Variants in THRA observed in about 807,000 individuals in gnomAD.
THRA encodes the protein thyroid hormone receptor alpha, also known as EAR-7.
THRA carries 13 observed loss-of-function variants against 45.0 expected under a neutral mutation model. The ratio of observed to expected loss-of-function variants is 0.29; its 90% CI spans 0.19 to 0.46. The LOEUF (loss-of-function observed/expected upper bound fraction) is 0.46, where lower values mean the gene tolerates loss of function less well. Ranked by LOEUF, THRA falls within the 20% of genes least tolerant of loss-of-function variation. THRA has a pLI of 1.00. For missense variants in THRA, 278 were observed against 556.1 expected (o/e 0.50, Z 5.03); for synonymous variants, 195 against 214.0 (o/e 0.91, Z 0.78).
intron 1 of THRA, among the ~76,000 whole-genome samples, chr17:40,066,882 G>A (rs559129429): frequency 4.4e-4 from 67 of 152,220 alleles, no homozygotes; most frequent in Non-Finnish European, 6.3e-4. Context: ...TGTAAATTGG[G>A]GATGATCATA....
At chr17:40,077,042 G>C (rs912855062) in intron 3 of THRA, 104 bp downstream of exon 3, 7 of 1,200,652 alleles carry the variant, frequency 5.8e-6, no homozygotes, top group South Asian at 5.4e-5. Flanking sequence ...TGTGTTCCCT[G>C]GGGGGAGCCT....
At chr17:40,070,448 G>C (rs2145048085) in intron 1 of THRA, among the ~76,000 whole-genome samples, 1 of 152,282 alleles carries the variant, frequency 6.6e-6, no homozygotes, top group South Asian at 2.1e-4. Context: ...CTCAGCATGG[G>C]GGCACATGTC....
chr17:40,076,893 C>T lies in THRA; in HGVS notation c.76C>T (p.Arg26Ter), dbSNP rs1255028895. ...ENSARSPDGK[R>*]KRKNGQCSLK... ...CAGTGCCAGGTCACCAGATGGAAAG[C>T]GAAAAAGAAAGAACGGCCAATGTTC... Residue 26 changes from arginine (R) to a stop codon, truncating the protein, a stop_gained, in exon 3 of 9, where the codon CGA (arginine) becomes TGA (stop). Coordinates refer to ENST00000450525, the MANE Select transcript of THRA (RefSeq NM_199334.5). LOFTEE classifies it high-confidence loss of function. 4 of 1,613,918 alleles carry T rather than the reference C, an allele frequency of 2.5e-6. No homozygotes were observed. The highest frequency in any genetic ancestry group is 2.7e-5 in the African/African-American group (2 of 74,856).
intron 4 of THRA, among the ~76,000 whole-genome samples, chr17:40,079,821 G>A (rs1987076329): frequency 6.6e-6 from 1 of 152,100 alleles, no homozygotes; most frequent in African/African-American, 2.4e-5. Context: ...ACAGAGGAGG[G>A]ATTATGAATG....
chr17:40,066,714 A>G (rs1226103690), intron 1 of THRA, among the ~76,000 whole-genome samples: 2 of 151,406 alleles, frequency 1.3e-5, no homozygotes, highest in Admixed American at 1.3e-4. Context: ...GGCATTATCT[A>G]TCAAGCAGGT....
chr17:40,070,817 C>T (rs552168871), intron 1 of THRA, among the ~76,000 whole-genome samples: 1 of 151,970 alleles, frequency 6.6e-6, no homozygotes, highest in East Asian at 1.9e-4. Context: ...TCCTACGCCC[C>T]CCTCCCCCCA....
chr17:40,077,661 C>A (rs1213851137), intron 4 of THRA, 53 bp downstream of exon 4: 4 of 1,431,576 alleles, frequency 2.8e-6, no homozygotes, highest in Non-Finnish European at 3.9e-6. Flanking sequence ...CCATATTACT[C>A]CCTATGTCAC....
intron 4 of THRA, 89 bp downstream of exon 4, chr17:40,077,697 C>CT (rs111429398): frequency 0.15 from 113,203 of 771,314 alleles, 1 homozygote; most frequent in South Asian, 0.19. Context: ...TAGGTCATCA[C>CT]TTTTTTTTTT....
intron 6 of THRA, 112 bp from the exon 7 acceptor site, chr17:40,086,595 G>A (rs965727744): frequency 1.0e-5 from 14 of 1,373,018 alleles, no homozygotes; most frequent in Admixed American, 4.9e-5. Context: ...ACTCAGGCAC[G>A]GGCGGCCCCT....
chr17:40,093,154 G>A (rs1567658385), downstream of THRA: 3 of 1,614,100 alleles, frequency 1.9e-6, no homozygotes, highest in Non-Finnish European at 1.7e-6. The surrounding 1 kb of genome is among the most constrained non-coding windows in gnomAD (Gnocchi z 5.9). Context: ...AGGTCCGGCA[G>A]CTTGAGCAGC....
chr17:40,083,203 A>G (rs981649237), intron 4 of THRA, among the ~76,000 whole-genome samples: 7 of 152,304 alleles, frequency 4.6e-5, no homozygotes, highest in African/African-American at 1.7e-4. Flanking sequence ...CTGGGATTAC[A>G]GGCATAAGCC....
In THRA at chr17:40,084,736, A is replaced by G. The variant is rs147957729; in HGVS notation, c.497A>G (p.Asp166Gly). The G allele has an allele frequency of 4.6e-5, 75 of 1,613,978 alleles. No individual in the cohort carries two copies. The highest frequency in any genetic ancestry group is 5.8e-5 in the Non-Finnish European group (69 of 1,180,026). Residue 166 changes from aspartate to glycine, a missense_variant, in exon 6 of 9, where the codon GAT becomes GGT. By Grantham distance (94) the Asp-to-Gly change is moderately conservative (BLOSUM62 -1). Transcript: ENST00000450525. ...CCAGAGCCCACTCCTGAAGAGTGGGATCTGATCCACATTGCCACAGAGGCC... is the reference window on the plus strand; with the variant it reads ...CCAGAGCCCACTCCTGAAGAGTGGGGTCTGATCCACATTGCCACAGAGGCC... Reference protein sequence around the residue: ...QRPEPTPEEWDLIHIATEAHR... With the variant: ...QRPEPTPEEWGLIHIATEAHR...
At chr17:40,093,839 G>T, downstream of THRA, 1 of 1,335,214 alleles carries the variant, frequency 7.5e-7, no homozygotes, top group Non-Finnish European at 1.1e-6. This position sits in a 1 kb window ranked among gnomAD's most constrained non-coding sequence, Gnocchi z 5.9. Context: ...CATAGAGTAG[G>T]TACTCCATAA....
rs145449091 is a variant in THRA, at chr17:40,075,096, C to T, written c.53+555C>T. ...GATGGGGCTCCTCCCAGAAAGTGCA[C>T]GCCAACCATGATGGTTTTGCTTCCA... On this transcript the variant is annotated intron_variant, in intron 2 of 8. Transcript: ENST00000450525. Among the ~76,000 whole-genome samples the T allele has an allele frequency of 2.1e-3, 317 of 152,392 alleles. 11 individuals are homozygous for T. In the East Asian group the frequency reaches 0.052, roughly 25 times the overall value.
intron 4 of THRA, 24 bp from the exon 5 acceptor site, chr17:40,083,811 C>T (rs746931381): frequency 1.6e-4 from 252 of 1,578,740 alleles, no homozygotes; most frequent in Non-Finnish European, 2.1e-4. Context: ...ATGATCACAG[C>T]CTGCTCCATC....
At chr17:40,085,737 G>A (rs937644858) in intron 6 of THRA, among the ~76,000 whole-genome samples, 15 of 151,294 alleles carry the variant, frequency 9.9e-5, no homozygotes, top group African/African-American at 2.9e-4. Flanking sequence ...TCTACCTCCC[G>A]GCTTCAAGCG....
chr17:40,067,873 A>G (rs1005161398), intron 1 of THRA, among the ~76,000 whole-genome samples: 2 of 152,228 alleles, frequency 1.3e-5, no homozygotes, highest in Non-Finnish European at 2.9e-5. Flanking sequence ...TTAAAAAGTT[A>G]GCCAGGTGTG....
rs1647290970 is a variant in THRA at position 40,089,108 on chromosome 17, C to T, written c.983-98C>T. On this transcript the variant is annotated intron_variant, in intron 8 of 8. Coordinates refer to ENST00000450525, the MANE Select transcript of THRA (RefSeq NM_199334.5). This position sits in a 1 kb window ranked among gnomAD's most constrained non-coding sequence, Gnocchi z 6.1. ...TCCCCCAGCCTCTCTGCCTCTATCT[C>T]CCCTCTAGTCCTTTCTTCCCACGTC... 1 of 1,192,036 alleles carries T rather than the reference C, an allele frequency of 8.4e-7. No individual in the cohort carries two copies. Among genetic ancestry groups the T allele is most frequent in the Admixed American group, 2.0e-5 (1 of 50,312 alleles). 73.8% of individuals were successfully genotyped at this position (1,192,036 alleles called of 1,614,324 possible). A position where few individuals can be genotyped will look rare whatever the true frequency, so the allele number is the denominator to read the frequency against.
At chr17:40,083,440 C>T (rs187187927) in intron 4 of THRA, among the ~76,000 whole-genome samples, 175 of 152,112 alleles carry the variant, frequency 1.2e-3, no homozygotes, top group Admixed American at 2.6e-3. Context: ...CTCGAACTCC[C>T]GACCTCAGTT....
Sources: gnomAD v4.1 joint callset for allele counts (sites outside exome capture counted in the v4.1 genomes callset) on GRCh38, gnomAD v4.1.1 for gene constraint, Gnocchi (gnomAD v3.1) non-coding constraint, MANE v1.5 for transcripts, NCBI Gene and HGNC (gene_info 2026-07-23, HGNC 2026-07-21) for gene names.